Variants in LEP observed in about 807,000 individuals in gnomAD.
LEP encodes leptin, also known as leptin (murine obesity homolog).
A neutral mutation model predicts 9.8 loss-of-function variants in LEP; 6 were observed. The ratio of observed to expected loss-of-function variants is 0.61; its 90% CI spans 0.34 to 1.21. The LOEUF (loss-of-function observed/expected upper bound fraction) is 1.21. Among genes scored for constraint, LEP ranks in the 50% most tolerant of loss-of-function variants. The pLI, the probability that LEP is intolerant of heterozygous loss-of-function variation, is 0.04. For synonymous variants in LEP, 112 were observed against 81.7 expected (o/e 1.37, Z -2.00); for missense variants, 134 against 198.1 (o/e 0.68, Z 1.94).
chr7:128,253,119 G>C (rs1562932226), intron 2 of LEP, among the ~76,000 whole-genome samples: 1 of 152,122 alleles, frequency 6.6e-6, no homozygotes, highest in Non-Finnish European at 1.5e-5. Flanking sequence ...ACCAGAGGGA[G>C]CTGTGAAGTT....
chr7:128,254,320 C>A (rs1441122875), intron 2 of LEP, 84 bp from the exon 3 acceptor site: 3 of 1,573,964 alleles, frequency 1.9e-6, no homozygotes, highest in Non-Finnish European at 2.6e-6. Context: ...GAATGACCCT[C>A]CATGCCCACG....
At position 128,254,557 on chromosome 7, in the gene LEP, G is replaced by A. The variant is rs724159998; in HGVS notation, c.298G>A (p.Asp100Asn). ...PSRNVIQISN[D>N]LENLRDLLHV... ...CAGAAACGTGATCCAAATATCCAAC[G>A]ACCTGGAGAACCTCCGGGATCTTCT... The change falls in exon 3 of 3, where the codon GAC becomes AAC. Residue 100 changes from aspartate (D) to asparagine (N), a missense_variant. By Grantham distance (23) the Asp-to-Asn change is conservative (BLOSUM62 1). Coordinates refer to ENST00000308868, the MANE Select transcript of LEP (RefSeq NM_000230.3). The A allele has an allele frequency of 6.2e-7, 1 of 1,614,066 alleles. No individual in the cohort carries two copies. The highest frequency in any genetic ancestry group is 8.5e-7 in the Non-Finnish European group (1 of 1,179,968).
chr7:128,247,267 C>T (rs550268192), intron 1 of LEP, among the ~76,000 whole-genome samples: 1 of 152,248 alleles, frequency 6.6e-6, no homozygotes, highest in East Asian at 1.9e-4. Flanking sequence ...CATTTGCAGC[C>T]CTTTGTCTCT....
chr7:128,256,856 G>A lies in LEP; in HGVS notation c.*2093G>A, dbSNP rs200163732. 2 of 152,258 alleles carry A rather than the reference G, an allele frequency of 1.3e-5. No homozygotes were observed. Among genetic ancestry groups the A allele is most frequent in the Non-Finnish European group, 2.9e-5 (2 of 68,114 alleles). 9.4% of individuals were successfully genotyped at this position (152,258 alleles called of 1,614,324 possible). On this transcript the variant is annotated 3_prime_UTR_variant, in exon 3 of 3. Transcript: ENST00000308868. ...AACCAGGGAGACCGAGCGCTTTCTG[G>A]AAAAGAGGAGTTTCGAGGTAGAGTT...
rs186347613 is a variant in LEP, at chr7:128,246,057, C to T, written c.-29+4751C>T. On this transcript the variant is annotated intron_variant, in intron 1 of 2. Transcript: ENST00000308868. ...CTGCACTCTAGCCTGGGCAACAGAG[C>T]AAGACTCCGTCAAAAAAAAAATAAA... Among the ~76,000 whole-genome samples the T allele has an allele frequency of 1.2e-3, 177 of 150,008 alleles. 1 individual carries two copies. Among genetic ancestry groups the T allele is most frequent in the African/African-American group, 4.0e-3 (164 of 40,738 alleles).
intron 1 of LEP, among the ~76,000 whole-genome samples, chr7:128,244,236 GCAAGACCCTGACACACACACACA>G (rs767305767): frequency 7.9e-6 from 1 of 126,234 alleles, no homozygotes; most frequent in Non-Finnish European, 1.7e-5. Flanking sequence ...GAGTGACAGA[GCAAGACCCTGACACACACACACA>G]CACACACACA....
At chr7:128,248,695 C>T (rs556010468) in intron 1 of LEP, among the ~76,000 whole-genome samples, 57 of 152,170 alleles carry the variant, frequency 3.7e-4, no homozygotes, top group Non-Finnish European at 7.9e-4. Context: ...TTGTTCTTTA[C>T]CTATATTTTT....
intron 1 of LEP, among the ~76,000 whole-genome samples, chr7:128,245,912 A>C (rs569945748): frequency 3.7e-4 from 56 of 151,918 alleles, no homozygotes; most frequent in African/African-American, 9.9e-4. Flanking sequence ...AAATACAAAA[A>C]TTAGCCAGGT....
chr7:128,246,667 C>T (rs919291212), intron 1 of LEP, among the ~76,000 whole-genome samples: 2 of 151,640 alleles, frequency 1.3e-5, no homozygotes, highest in African/African-American at 2.4e-5. Context: ...CTTGCTGTGT[C>T]GCCCAGGCTG....
intron 1 of LEP, among the ~76,000 whole-genome samples, chr7:128,242,254 G>A (rs1456895949): frequency 1.3e-5 from 2 of 152,224 alleles, no homozygotes; most frequent in Non-Finnish European, 2.9e-5. Flanking sequence ...GATCTTTGGG[G>A]AGGTGGGTGA....
chr7:128,251,689 A>G (rs1795276351), intron 1 of LEP, among the ~76,000 whole-genome samples: 1 of 152,214 alleles, frequency 6.6e-6, no homozygotes, highest in Non-Finnish European at 1.5e-5. Flanking sequence ...TCCCTCGAGC[A>G]TGCAATGAAG....
intron 1 of LEP, among the ~76,000 whole-genome samples, chr7:128,248,062 G>A (rs1165070177): frequency 6.6e-6 from 1 of 152,226 alleles, no homozygotes; most frequent in Admixed American, 6.5e-5. Context: ...GGAGGCCGAG[G>A]TGGGCAGATA....
At chr7:128,243,915 G>A (rs1312096363) in intron 1 of LEP, among the ~76,000 whole-genome samples, 1 of 152,124 alleles carries the variant, frequency 6.6e-6, no homozygotes, top group Non-Finnish European at 1.5e-5. Flanking sequence ...TCTTGCTGGA[G>A]CTTCAGATGC....
intron 1 of LEP, among the ~76,000 whole-genome samples, chr7:128,244,985 A>C (rs534551164): frequency 1.7e-4 from 26 of 152,284 alleles, no homozygotes; most frequent in Middle Eastern, 3.4e-3. Flanking sequence ...TGGCCAGGCA[A>C]TTGTAGCCAA....
At chr7:128,254,362 C>A in intron 2 of LEP, 42 bp from the exon 3 acceptor site, 1 of 1,607,760 alleles carries the variant, frequency 6.2e-7, no homozygotes, top group South Asian at 1.1e-5. Context: ...AGCGATTCCT[C>A]CCACATGCTG....
intron 1 of LEP, among the ~76,000 whole-genome samples, chr7:128,251,754 G>A (rs1196442884): frequency 1.3e-5 from 2 of 152,138 alleles, no homozygotes; most frequent in African/African-American, 4.8e-5. Flanking sequence ...ACAGCTCTGT[G>A]GTCTACAGGA....
chr7:128,255,126 C>A lies in LEP; in HGVS notation c.*363C>A, dbSNP rs958722534. 1.6e-5 allele frequency: 5 copies of A among 309,192 alleles called. No homozygotes were observed. The highest frequency in any genetic ancestry group is 1.1e-4 in the African/African-American group (5 of 46,918). 19.2% of individuals were successfully genotyped at this position (309,192 alleles called of 1,614,324 possible). A position where few individuals can be genotyped will look rare whatever the true frequency, so the allele number is the denominator to read the frequency against. ...TGACCAGGGGTGATTTCAGAGAGGG[C>A]AGAGGGGTAGGCAGAGCCTTTGGAT... is the stretch of plus-strand genomic sequence containing the variant. On this transcript the variant is annotated 3_prime_UTR_variant, in exon 3 of 3. Coordinates refer to ENST00000308868, the MANE Select transcript of LEP (RefSeq NM_000230.3).
intron 1 of LEP, among the ~76,000 whole-genome samples, chr7:128,243,437 G>C (rs1795174361): frequency 6.6e-6 from 1 of 152,190 alleles, no homozygotes; most frequent in Non-Finnish European, 1.5e-5. Context: ...TCTGAGAAGG[G>C]GAGGGGTCCC....
chr7:128,254,923 C>T lies in LEP; in HGVS notation c.*160C>T. The T allele has an allele frequency of 1.3e-6, 1 of 766,884 alleles. No individual in the cohort carries two copies. Among genetic ancestry groups the T allele is most frequent in the East Asian group, 2.7e-5 (1 of 37,202 alleles). The allele number at this position is 766,884 out of a possible 1,614,324, so 47.5% of individuals were successfully genotyped here. A position where few individuals can be genotyped will look rare whatever the true frequency, so the allele number is the denominator to read the frequency against. On this transcript the variant is annotated 3_prime_UTR_variant, in exon 3 of 3. Coordinates refer to ENST00000308868, the MANE Select transcript of LEP (RefSeq NM_000230.3). ...GCCACTCTTCCAAAGGCATAAGACC[C>T]TAAGCCTCCTTTTGCTTGAAACCAA...
Sources: gnomAD v4.1 joint callset for allele counts (sites outside exome capture counted in the v4.1 genomes callset) on GRCh38, gnomAD v4.1.1 for gene constraint, MANE v1.5 for transcripts, NCBI Gene and HGNC (gene_info 2026-07-23, HGNC 2026-07-21) for gene names.